Variants in PDE4D observed in about 807,000 individuals in gnomAD.
The protein encoded by PDE4D is 3',5'-cyclic-AMP phosphodiesterase 4D.
In PDE4D, 24 loss-of-function variants were observed where a neutral mutation model predicts 87.4. The observed-to-expected ratio is 0.27, with a 90% CI of 0.20 to 0.39. PDE4D has a LOEUF of 0.39. PDE4D is among the 10% of genes least tolerant of loss of function. The pLI, the probability that PDE4D is intolerant of heterozygous loss-of-function variation, is 1.00. For synonymous variants in PDE4D, 384 were observed against 383.2 expected (o/e 1.00, Z -0.02); for missense variants, 714 against 1,041.0 (o/e 0.69, Z 4.32).
chr5:59,330,923 C>T (rs78125699), intron 1 of PDE4D, among the ~76,000 whole-genome samples: 4,506 of 152,136 alleles, frequency 0.03, 154 homozygotes, highest in African/African-American at 0.078. Flanking sequence ...CCCTGAGCAC[C>T]AGCACCTCCT....
Position 58,976,488 on chromosome 5 carries a change from A to G in PDE4D, c.1708-16T>C. Reference sequence around the variant, plus strand: ...TTGCAAGTACCTTAAAATATAGAGTATATTATTAAGTTCAGAGAAAACAGA... The same window carrying G: ...TTGCAAGTACCTTAAAATATAGAGTGTATTATTAAGTTCAGAGAAAACAGA... On this transcript the variant is annotated splice_polypyrimidine_tract_variant and intron_variant, in intron 12 of 14. Transcript: ENST00000340635. 2 of 1,523,598 alleles carry G rather than the reference A, an allele frequency of 1.3e-6. No individual in the cohort carries two copies. The highest frequency in any genetic ancestry group is 1.8e-6 in the Non-Finnish European group (2 of 1,122,602). 94.4% of individuals were successfully genotyped at this position (1,523,598 alleles called of 1,614,324 possible).
intron 2 of PDE4D, among the ~76,000 whole-genome samples, chr5:60,163,532 C>A (rs770230066): frequency 1.3e-5 from 2 of 152,152 alleles, no homozygotes; most frequent in Non-Finnish European, 2.9e-5. Flanking sequence ...CAAAGGTAGT[C>A]TGACAAATAA....
At chr5:60,418,612 G>C (rs890509476) in intron 1 of PDE4D, among the ~76,000 whole-genome samples, 3 of 151,632 alleles carry the variant, frequency 2.0e-5, no homozygotes, top group Admixed American at 6.6e-5. Flanking sequence ...TGGGTACATA[G>C]TAGGTATAAT....
At chr5:60,114,849 TA>T (rs1293034477) in intron 2 of PDE4D, among the ~76,000 whole-genome samples, 1 of 151,986 alleles carries the variant, frequency 6.6e-6, no homozygotes, top group Non-Finnish European at 1.5e-5. Flanking sequence ...TATGTGTGTA[TA>T]AATACATATA....
At chr5:59,158,825 T>C (rs1246999180) in intron 5 of PDE4D, among the ~76,000 whole-genome samples, 3 of 152,236 alleles carry the variant, frequency 2.0e-5, no homozygotes, top group African/African-American at 7.2e-5. Context: ...TGCTCTTTCC[T>C]GGACTTTCAG....
intron 5 of PDE4D, among the ~76,000 whole-genome samples, chr5:59,138,885 A>T (rs1014902289): frequency 6.6e-6 from 1 of 152,240 alleles, no homozygotes; most frequent in African/African-American, 2.4e-5. Flanking sequence ...ATGACATTGT[A>T]GGATGAAAGA....
chr5:60,363,290 T>C (rs1378087904), intron 1 of PDE4D, among the ~76,000 whole-genome samples: 1 of 152,236 alleles, frequency 6.6e-6, no homozygotes, highest in Non-Finnish European at 1.5e-5. Context: ...AGGCCGTACT[T>C]GGAATTTGCT....
intron 2 of PDE4D, among the ~76,000 whole-genome samples, chr5:60,099,377 T>C (rs1776007705): frequency 1.3e-5 from 2 of 152,000 alleles, no homozygotes; most frequent in Non-Finnish European, 2.9e-5. Flanking sequence ...CACTAATGAA[T>C]GTAATGAATA....
chr5:59,764,250 G>T (rs1762506823), intron 1 of PDE4D, among the ~76,000 whole-genome samples: 1 of 152,058 alleles, frequency 6.6e-6, no homozygotes, highest in African/African-American at 2.4e-5. Context: ...CTGGAATAAT[G>T]GGCACAGAGT....
chr5:60,364,503 A>T (rs910724108), intron 1 of PDE4D, among the ~76,000 whole-genome samples: 10 of 152,210 alleles, frequency 6.6e-5, no homozygotes, highest in Non-Finnish European at 1.3e-4. Context: ...AAATTAATAC[A>T]TTGTAAAATA....
At chr5:59,206,609 C>G (rs1211693666) in intron 2 of PDE4D, among the ~76,000 whole-genome samples, 1 of 152,120 alleles carries the variant, frequency 6.6e-6, no homozygotes, top group East Asian at 1.9e-4. Flanking sequence ...CCTTTTGTAT[C>G]AAGAATTTTT....
At chr5:59,752,891 G>A (rs1173070574) in intron 1 of PDE4D, among the ~76,000 whole-genome samples, 1 of 152,168 alleles carries the variant, frequency 6.6e-6, no homozygotes, top group African/African-American at 2.4e-5. Context: ...TAGATGCCAT[G>A]TTAAAGGTGT....
chr5:60,180,120 A>G (rs2149497607), intron 2 of PDE4D, among the ~76,000 whole-genome samples: 1 of 152,328 alleles, frequency 6.6e-6, no homozygotes, highest in Admixed American at 6.5e-5. Flanking sequence ...AGTACAGAAA[A>G]AAGTGGAACT....
chr5:59,084,684 T>G (rs1767361102), intron 5 of PDE4D, among the ~76,000 whole-genome samples: 1 of 151,770 alleles, frequency 6.6e-6, no homozygotes, highest in South Asian at 2.1e-4. Context: ...TCCAGGAGTT[T>G]GAGACCAGCC....
intron 1 of PDE4D, among the ~76,000 whole-genome samples, chr5:60,409,635 T>C (rs1391640936): frequency 6.6e-6 from 1 of 152,226 alleles, no homozygotes; most frequent in African/African-American, 2.4e-5. Flanking sequence ...GCTTTTCAAA[T>C]TTATAAAACA....
At chr5:59,218,198 T>C (rs1751693262) in intron 1 of PDE4D, among the ~76,000 whole-genome samples, 1 of 152,156 alleles carries the variant, frequency 6.6e-6, no homozygotes, top group African/African-American at 2.4e-5. Context: ...TTTATGTTTA[T>C]TTCCCTTTAA....
chr5:59,609,419 C>T (rs295963), intron 1 of PDE4D, among the ~76,000 whole-genome samples: 130,673 of 151,472 alleles, frequency 0.86, 56,427 homozygotes, highest in South Asian at 0.93. Flanking sequence ...TGTAGTTAAT[C>T]TGAATATCAC....
rs564683493 is a variant in PDE4D at position 59,171,384 on chromosome 5, T to A, written c.808+9211A>T. 4.6e-5 allele frequency among the ~76,000 whole-genome samples: 7 copies of A among 152,290 alleles called. No individual in the cohort carries two copies. The South Asian group carries it at 1.4e-3, about 32-fold the overall frequency. ...AGAGTATGGGGCTGCCCCTAGTCTT[T>A]CTTCTTTTCAATCTCTTTCTACACT... On this transcript the variant is annotated intron_variant, in intron 5 of 14. Transcript: ENST00000340635.
chr5:59,125,206 G>A lies in PDE4D; in HGVS notation c.808+55389C>T, dbSNP rs886970277. The A allele has an allele frequency of 7.8e-6, 6 of 766,696 alleles. No homozygotes were observed. In the African/African-American group the frequency reaches 1.1e-4, roughly 15 times the overall value. 47.5% of individuals were successfully genotyped at this position (766,696 alleles called of 1,614,324 possible). ...TGGCTCATTAAGCTAGAGTTAGACTGGTGTCCATAATCAAATTTACTGCAC... is the reference window on the plus strand; with the variant it reads ...TGGCTCATTAAGCTAGAGTTAGACTAGTGTCCATAATCAAATTTACTGCAC... On this transcript the variant is annotated intron_variant, in intron 5 of 14. Coordinates refer to ENST00000340635, the MANE Select transcript of PDE4D (RefSeq NM_001104631.2).
Sources: allele counts gnomAD v4.1 joint callset (sites outside exome capture counted in the v4.1 genomes callset), GRCh38; gene constraint gnomAD v4.1.1; transcripts MANE v1.5; gene names NCBI Gene and HGNC (gene_info 2026-07-23, HGNC 2026-07-21).